KIFC3: variants seen among roughly 807,000 people sequenced by gnomAD.
KIFC3 encodes kinesin-like protein KIFC3.
In KIFC3, 60 loss-of-function variants were observed where a neutral mutation model predicts 101.8. The observed-to-expected ratio is 0.59, with a 90% CI of 0.48 to 0.73. The LOEUF (loss-of-function observed/expected upper bound fraction) is 0.73. Ranked by LOEUF, KIFC3 falls within the 30% of genes least tolerant of loss-of-function variation. KIFC3 has a pLI of 0.00. For missense variants in KIFC3, 966 were observed against 1,137.1 expected, an observed-to-expected ratio of 0.85 and a Z score of 2.16; for synonymous variants, 476 against 482.7, an observed-to-expected ratio of 0.99 and a Z score of 0.18.
intron 5 of KIFC3, 21 bp from the exon 6 acceptor site, chr16:57,771,458 T>G: frequency 1.2e-6 from 2 of 1,613,360 alleles, no homozygotes; most frequent in African/African-American, 1.3e-5. Context: ...TGGGAGGCAC[T>G]GGATGAGTGC....
At chr16:57,807,084 G>T (rs2149251443), upstream of KIFC3, among the ~76,000 whole-genome samples, 1 of 152,168 alleles carries the variant, frequency 6.6e-6, no homozygotes, top group South Asian at 2.1e-4. Flanking sequence ...CGATGTGCTG[G>T]TGGGCGCCTG....
At chr16:57,833,138 A>G (rs1201017136) in intron 1 of KIFC3, among the ~76,000 whole-genome samples, 1 of 151,300 alleles carries the variant, frequency 6.6e-6, no homozygotes, top group African/African-American at 2.4e-5. Context: ...CCTGGGAGGT[A>G]GAGGTTGCAG....
chr16:57,853,598 G>T (rs767969573), intron 1 of KIFC3, among the ~76,000 whole-genome samples: 1 of 151,936 alleles, frequency 6.6e-6, no homozygotes, highest in Non-Finnish European at 1.5e-5. Flanking sequence ...CCAACTAAAA[G>T]AATTTTTTAA....
intron 1 of KIFC3, chr16:57,810,694 CTGA>C: frequency 1.4e-5 from 14 of 985,430 alleles, no homozygotes; most frequent in Non-Finnish European, 1.7e-5. Flanking sequence ...CAGCAATGGG[CTGA>C]GGGACAGCTT....
upstream of KIFC3, chr16:57,802,494 C>G: frequency 2.0e-6 from 2 of 983,676 alleles, no homozygotes; most frequent in South Asian, 4.7e-5. This position sits in a 1 kb window ranked among gnomAD's most constrained non-coding sequence, Gnocchi z 5.0. Context: ...GCGCCCCTCC[C>G]GCACACTTTC....
At chr16:57,797,026 C>CT (rs2054380411) in intron 2 of KIFC3, among the ~76,000 whole-genome samples, 1 of 152,248 alleles carries the variant, frequency 6.6e-6, no homozygotes, top group Non-Finnish European at 1.5e-5. Context: ...CATCCCCAGC[C>CT]TGGCTGTGCT....
chr16:57,766,373 G>A (rs1281865544), intron 10 of KIFC3, among the ~76,000 whole-genome samples: 15 of 152,214 alleles, frequency 9.9e-5, no homozygotes, highest in African/African-American at 3.6e-4. Flanking sequence ...CTGGAAGGGG[G>A]CAGGGTTGGG....
chr16:57,861,880 C>T (rs952219726), intron 1 of KIFC3, among the ~76,000 whole-genome samples: 2 of 152,060 alleles, frequency 1.3e-5, no homozygotes, highest in East Asian at 1.9e-4. Context: ...ACCTGGGAGG[C>T]GGAGTTTGCA....
intron 3 of KIFC3, chr16:57,774,922 C>T: frequency 4.1e-6 from 6 of 1,466,404 alleles, no homozygotes; most frequent in Non-Finnish European, 5.4e-6. Context: ...AGTCTCCTTC[C>T]ACGCCCCCTC....
chr16:57,798,230 CG>C lies in KIFC3; in HGVS notation c.13del (p.Arg5AlafsTer51). On this transcript the variant is annotated frameshift_variant, in exon 2 of 20. Transcript: ENST00000445690. LOFTEE classifies it high-confidence loss of function. The stretch of plus-strand genomic sequence containing the variant: ...CGTGGCTCCCAGGTTCCACGTCCTG[CG>C]AGAGGGGACCATGGCCTGGGGCTCA... MVPSRRTWNLGATPS... is the reference protein window; with the variant it reads MVPSXRTWNLGATPS... 2 of 1,551,040 alleles carry C rather than the reference CG, an allele frequency of 1.3e-6. No homozygotes were observed.
intron 17 of KIFC3, 99 bp downstream of exon 17, chr16:57,760,183 C>G (rs937479370): frequency 1.4e-6 from 2 of 1,402,190 alleles, no homozygotes. Context: ...TCCCTGCCCC[C>G]ACTGCTTCAG....
chr16:57,798,167 G>A lies in KIFC3; in HGVS notation c.77C>T (p.Pro26Leu), dbSNP rs782007680. Residue 26 changes from proline (P) to leucine (L), a missense_variant, in exon 2 of 20, where the codon CCG (proline) becomes CTG (leucine). Around this residue, in one of 2 missense-constraint regions of KIFC3, gnomAD observed 277 missense variants for 252.5 expected, o/e 1.10. Transcript: ENST00000445690. ...GCGAGCCATCCCCGGCTCGGGCTCC[G>A]GGGCCCGGCCCACTCTCCACAGGCC... ...LRGLWRVGRA[P>L]EPEPGMARPA... The A allele has an allele frequency of 1.3e-6, 2 of 1,539,756 alleles. No homozygotes were observed. The highest frequency in any genetic ancestry group is 8.7e-7 in the Non-Finnish European group (1 of 1,142,972).
At position 57,769,751 on chromosome 16, in the gene KIFC3, C is replaced by A; in HGVS notation, c.1088-26G>T. The A allele has an allele frequency of 1.9e-6, 3 of 1,612,462 alleles. No individual in the cohort carries two copies. The highest frequency in any genetic ancestry group is 1.7e-5 in the Admixed American group (1 of 59,978). Reference sequence around the variant, plus strand: ...CTATGGGGACACTCGGGCTGTGAGGCGGGAGGGGATGAGGGGCCGCGGCGT... The same window carrying A: ...CTATGGGGACACTCGGGCTGTGAGGAGGGAGGGGATGAGGGGCCGCGGCGT... On this transcript the variant is annotated intron_variant, in intron 8 of 19. Coordinates refer to ENST00000445690, the MANE Select transcript of KIFC3 (RefSeq NM_001130100.2). This position sits in a 1 kb window ranked among gnomAD's most constrained non-coding sequence, Gnocchi z 4.3.
At chr16:57,792,202 G>A (rs1324500123) in intron 3 of KIFC3, among the ~76,000 whole-genome samples, 7 of 152,154 alleles carry the variant, frequency 4.6e-5, no homozygotes, top group Admixed American at 1.3e-4. Context: ...GGGCCCTCTC[G>A]TGCACCGGCT....
At chr16:57,775,337 G>T (rs1204708186) in intron 3 of KIFC3, 8 of 1,154,876 alleles carry the variant, frequency 6.9e-6, no homozygotes, top group Non-Finnish European at 8.5e-6. Context: ...GAATGTGACT[G>T]AGACGCAGCA....
In KIFC3 at chr16:57,770,840, G is replaced by A. The variant is rs868911203; in HGVS notation, c.766-140C>T. On this transcript the variant is annotated intron_variant, in intron 6 of 19. Coordinates refer to ENST00000445690, the MANE Select transcript of KIFC3 (RefSeq NM_001130100.2). ...CAGAAAAAAACTAGAGGAGCCTTGA[G>A]GTCCTGGCTTTCCAGAAAGCTGGGG... 2.8e-5 allele frequency: 21 copies of A among 758,560 alleles called. No homozygotes were observed. In the Middle Eastern group the frequency reaches 2.4e-3, roughly 88 times the overall value. The allele number at this position is 758,560 out of a possible 1,614,324, so 47.0% of individuals were successfully genotyped here.
At chr16:57,760,688 A>G (rs1371952516) in intron 16 of KIFC3, 38 bp downstream of exon 16, 38 of 1,546,762 alleles carry the variant, frequency 2.5e-5, no homozygotes, top group Admixed American at 5.0e-5. Flanking sequence ...TAGCCCCTAC[A>G]TGCTAGGGAC....
upstream of KIFC3, chr16:57,802,963 G>A: frequency 6.5e-7 from 1 of 1,535,432 alleles, no homozygotes; most frequent in Non-Finnish European, 8.7e-7. The surrounding 1 kb of genome is among the most constrained non-coding windows in gnomAD (Gnocchi z 5.0). Flanking sequence ...TTACTCACGA[G>A]ACAATACATG....
chr16:57,860,022 A>AAAAATAAAATAAAAT (rs547546702), intron 1 of KIFC3, among the ~76,000 whole-genome samples: 3,565 of 86,686 alleles, frequency 0.041, 157 homozygotes, highest in Middle Eastern at 0.062. Flanking sequence ...ACTCTGTCTC[A>AAAAATAAAATAAAAT]AAAATAAAAT....
Sources: gnomAD v4.1 joint callset for allele counts (sites outside exome capture counted in the v4.1 genomes callset) on GRCh38, gnomAD v4.1.1 for gene constraint, gnomAD v4.1.1 regional missense constraint, Gnocchi (gnomAD v3.1) non-coding constraint, MANE v1.5 for transcripts, NCBI Gene and HGNC (gene_info 2026-07-23, HGNC 2026-07-21) for gene names.